GARIN1B: variants seen among roughly 807,000 people sequenced by gnomAD.
GARIN1B encodes the protein golgi associated RAB2 interactor 1B, also known as Golgi-associated RAB2 interactor protein 1B.
chr7:128,730,420 A>T, the GARIN1B span, among the ~76,000 whole-genome samples: 4 of 151,652 alleles, frequency 2.6e-5, no homozygotes, highest in South Asian at 2.1e-4. Flanking sequence ...TTGGGTTGGG[A>T]TGCAGAGAGT....
At chr7:128,728,628 G>A in the GARIN1B span, among the ~76,000 whole-genome samples, 109 of 152,316 alleles carry the variant, frequency 7.2e-4, no homozygotes, top group African/African-American at 2.5e-3. Context: ...ACTTCCATTC[G>A]TTGTTGCCAT....
the GARIN1B span, among the ~76,000 whole-genome samples, chr7:128,722,227 C>G: frequency 6.6e-6 from 1 of 152,174 alleles, no homozygotes; most frequent in African/African-American, 2.4e-5. Context: ...GTGAAGATAC[C>G]TGGGCCTTTT....
At chr7:128,710,690 C>CTT in the GARIN1B span, among the ~76,000 whole-genome samples, 30 of 146,274 alleles carry the variant, frequency 2.1e-4, no homozygotes, top group East Asian at 6.0e-4. Context: ...TTTTCTTTTC[C>CTT]TTTTTTTTTT....
At chr7:128,724,036 A>T in the GARIN1B span, among the ~76,000 whole-genome samples, 2 of 152,052 alleles carry the variant, frequency 1.3e-5, no homozygotes, top group Non-Finnish European at 2.9e-5. Flanking sequence ...GTGAGACAAG[A>T]GTCTCACTCT....
chr7:128,709,589 G>A, the GARIN1B span, among the ~76,000 whole-genome samples: 1 of 152,090 alleles, frequency 6.6e-6, no homozygotes, highest in African/African-American at 2.4e-5. Context: ...TTGCTGGAAA[G>A]AGGTCTGAGG....
At chr7:128,720,086 A>C in the GARIN1B span, among the ~76,000 whole-genome samples, 1 of 152,082 alleles carries the variant, frequency 6.6e-6, no homozygotes, top group African/African-American at 2.4e-5. Context: ...CATCTGATAG[A>C]TGATTTCAAA....
At chr7:128,721,505 A>G in the GARIN1B span, among the ~76,000 whole-genome samples, 3 of 150,880 alleles carry the variant, frequency 2.0e-5, no homozygotes, top group African/African-American at 7.3e-5. Context: ...TCTTCTACAT[A>G]CACACACCAC....
At chr7:128,716,839 C>A in the GARIN1B span, 3 of 1,612,130 alleles carry the variant, frequency 1.9e-6, no homozygotes, top group South Asian at 1.1e-5. Flanking sequence ...ATTGGAGAGA[C>A]GTCTACAAAG....
the GARIN1B span, among the ~76,000 whole-genome samples, chr7:128,716,325 A>G: frequency 6.6e-6 from 1 of 152,180 alleles, no homozygotes; most frequent in Non-Finnish European, 1.5e-5. Context: ...CTTCCTGTTC[A>G]GTGAAGGTGC....
chr7:128,727,878 A>G, the GARIN1B span, among the ~76,000 whole-genome samples: 5 of 152,090 alleles, frequency 3.3e-5, no homozygotes, highest in African/African-American at 1.2e-4. Context: ...GTTGTTTTAT[A>G]GGTTTGAGGG....
At chr7:128,731,300 G>A in the GARIN1B span, 4 of 658,130 alleles carry the variant, frequency 6.1e-6, no homozygotes, top group Admixed American at 2.3e-5. Context: ...ACTGCACCTC[G>A]GCATATGCCA....
At chr7:128,718,966 G>C in the GARIN1B span, 2 of 1,614,100 alleles carry the variant, frequency 1.2e-6, no homozygotes, top group Non-Finnish European at 1.7e-6. Context: ...TCCACTTCTG[G>C]ATCCGACTGG....
At chr7:128,714,047 T>C in the GARIN1B span, 430 of 1,535,402 alleles carry the variant, frequency 2.8e-4, 1 homozygote, top group Middle Eastern at 2.8e-3. Flanking sequence ...GGTTGGAAGT[T>C]GGTTTACTGA....
At chr7:128,711,766 C>T in the GARIN1B span, among the ~76,000 whole-genome samples, 8,944 of 152,002 alleles carry the variant, frequency 0.059, 310 homozygotes, top group Middle Eastern at 0.11. Flanking sequence ...TATTGCTGGC[C>T]GTGGTGGCTC....
the GARIN1B span, among the ~76,000 whole-genome samples, chr7:128,726,070 T>C: frequency 1.3e-5 from 2 of 152,006 alleles, no homozygotes. Flanking sequence ...CGGGTAGTGG[T>C]GGAAGAGAAT....
chr7:128,724,111 T>C, the GARIN1B span, among the ~76,000 whole-genome samples: 1 of 151,988 alleles, frequency 6.6e-6, no homozygotes, highest in African/African-American at 2.4e-5. Flanking sequence ...CCTGGGTTGA[T>C]GTGATTCTCC....
At chr7:128,729,994 C>A in the GARIN1B span, 17 of 1,614,006 alleles carry the variant, frequency 1.1e-5, no homozygotes, top group Non-Finnish European at 1.4e-5. Flanking sequence ...AAGAGAGAAC[C>A]CCTCCGGCCT....
the GARIN1B span, among the ~76,000 whole-genome samples, chr7:128,728,577 G>T: frequency 6.6e-6 from 1 of 152,224 alleles, no homozygotes; most frequent in Non-Finnish European, 1.5e-5. Flanking sequence ...GCAGGGAGTG[G>T]TGGGGATAGT....
At chr7:128,730,159 A>T in the GARIN1B span, 1 of 1,430,558 alleles carries the variant, frequency 7.0e-7, no homozygotes, top group Admixed American at 2.1e-5. Flanking sequence ...CCTGAGGGTG[A>T]TTCCAGAAAG....
Sources: allele counts gnomAD v4.1 joint callset (sites outside exome capture counted in the v4.1 genomes callset), GRCh38; gene constraint gnomAD v4.1.1; transcripts MANE v1.5; gene names NCBI Gene and HGNC (gene_info 2026-07-23, HGNC 2026-07-21).